ADGRA3: variants seen among roughly 807,000 people sequenced by gnomAD.
ADGRA3 encodes adhesion G protein-coupled receptor A3.
In ADGRA3, 56 loss-of-function variants were observed where a neutral mutation model predicts 119.8. The observed-to-expected ratio is 0.47, with a 90% CI of 0.38 to 0.58. ADGRA3 has a LOEUF of 0.58. Among genes scored for constraint, ADGRA3 ranks in the 20% least tolerant of loss-of-function variants. ADGRA3 has a pLI of 0.00. For synonymous variants in ADGRA3, 607 were observed against 623.8 expected (o/e 0.97, Z 0.40); for missense variants, 1,516 against 1,649.0 (o/e 0.92, Z 1.40).
intron 10 of ADGRA3, among the ~76,000 whole-genome samples, chr4:22,432,504 T>C (rs762118987): frequency 1.3e-5 from 2 of 152,220 alleles, no homozygotes; most frequent in Non-Finnish European, 1.5e-5. Context: ...AAAAGCCATA[T>C]ATTTGTAAAA....
Position 22,442,883 on chromosome 4 carries a change from G to A in ADGRA3, c.707-20C>T, listed in dbSNP as rs775521548. 1.3e-6 allele frequency: 2 copies of A among 1,542,806 alleles called. No homozygotes were observed. Among genetic ancestry groups the A allele is most frequent in the Non-Finnish European group, 8.9e-7 (1 of 1,119,168 alleles). The stretch of plus-strand genomic sequence containing the variant: ...GAGGGTCTAGAGACAATCAAACAAA[G>A]ATTCAGTAAACAAATATAATTTCCA... On this transcript the variant is annotated intron_variant, in intron 6 of 18. Transcript: ENST00000334304.
chr4:22,388,091 C>G lies in ADGRA3; in HGVS notation c.3580G>C (p.Val1194Leu). 1 of 1,614,160 alleles carries G rather than the reference C, an allele frequency of 6.2e-7. No homozygotes were observed. Among genetic ancestry groups the G allele is most frequent in the Non-Finnish European group, 8.5e-7 (1 of 1,180,020 alleles). Reference protein sequence around the residue: ...LTVLREYAYDVPTSVEGSVQN... With the variant: ...LTVLREYAYDLPTSVEGSVQN... ...ACGCTTCCTTCCACGCTCGTTGGGA[C>G]ATCGTAGGCATATTCTCTCAGGACT... The change falls in exon 19 of 19, where the codon GTC (valine) becomes CTC (leucine). Residue 1194 changes from valine to leucine, a missense_variant. Physicochemically the swap from Val to Leu is conservative, Grantham distance 32 (BLOSUM62 1). Around this residue, in one of 2 missense-constraint regions of ADGRA3, gnomAD observed 1,088 missense variants for 1,107.1 expected, o/e 0.98. Transcript: ENST00000334304.
intron 4 of ADGRA3, among the ~76,000 whole-genome samples, chr4:22,449,218 C>T (rs1716939098): frequency 2.0e-5 from 3 of 151,166 alleles, no homozygotes; most frequent in South Asian, 4.2e-4. Flanking sequence ...TGCAGTGAGC[C>T]AGGACTGCAG....
At chr4:22,426,270 A>G (rs1456831117) in intron 10 of ADGRA3, among the ~76,000 whole-genome samples, 1 of 152,156 alleles carries the variant, frequency 6.6e-6, no homozygotes, top group Admixed American at 6.5e-5. Context: ...TCCTATTAAA[A>G]TAAGTTTTCT....
chr4:22,508,790 C>A (rs1211842135), intron 1 of ADGRA3, among the ~76,000 whole-genome samples: 1 of 152,146 alleles, frequency 6.6e-6, no homozygotes, highest in East Asian at 1.9e-4. Flanking sequence ...GAAGGCAAAA[C>A]TGCAAAAAGA....
chr4:22,410,324 C>G (rs577149317), intron 14 of ADGRA3, among the ~76,000 whole-genome samples: 2 of 152,222 alleles, frequency 1.3e-5, no homozygotes, highest in Non-Finnish European at 2.9e-5. Context: ...CAGACACCAG[C>G]TCCTGTGAAT....
In ADGRA3 at chr4:22,447,455, G is replaced by C. The variant is rs759901739; in HGVS notation, c.530C>G (p.Ala177Gly). 2 of 1,563,752 alleles carry C rather than the reference G, an allele frequency of 1.3e-6. No homozygotes were observed. The highest frequency in any genetic ancestry group is 1.2e-5 in the South Asian group (1 of 80,964). The change falls in exon 5 of 19, where the codon GCG becomes GGG. Residue 177 changes from alanine to glycine, a missense_variant. By Grantham distance (60) the Ala-to-Gly change is moderately conservative. Coordinates refer to ENST00000334304, the MANE Select transcript of ADGRA3 (RefSeq NM_145290.4). ...TCTTACTTACAAAGACCGTAATGACGCAAGATAATCAAAAGTTCCTTGAGA... is the reference window on the plus strand; with the variant it reads ...TCTTACTTACAAAGACCGTAATGACCCAAGATAATCAAAAGTTCCTTGAGA... ...SLSQGTFDYLASLRSLEFQTE... is the reference protein window; with the variant it reads ...SLSQGTFDYLGSLRSLEFQTE...
At chr4:22,424,883 C>T (rs1391164008) in intron 10 of ADGRA3, among the ~76,000 whole-genome samples, 2 of 152,160 alleles carry the variant, frequency 1.3e-5, no homozygotes, top group African/African-American at 4.8e-5. Context: ...ACCATCCTAA[C>T]CAACATGGTG....
intron 1 of ADGRA3, among the ~76,000 whole-genome samples, chr4:22,494,691 T>C (rs1354226062): frequency 6.6e-6 from 1 of 151,994 alleles, no homozygotes; most frequent in Non-Finnish European, 1.5e-5. Context: ...GTTCTTTTTG[T>C]TAGAACACTA....
At chr4:22,408,024 A>C (rs1416743268) in intron 14 of ADGRA3, among the ~76,000 whole-genome samples, 2 of 152,076 alleles carry the variant, frequency 1.3e-5, no homozygotes, top group Non-Finnish European at 2.9e-5. Flanking sequence ...TGAAATCAGA[A>C]ATGTAAAAAA....
chr4:22,500,757 A>C (rs186727173), intron 1 of ADGRA3, among the ~76,000 whole-genome samples: 3 of 152,330 alleles, frequency 2.0e-5, no homozygotes. Flanking sequence ...CTATGAGGGC[A>C]TTTCCAGAAG....
At chr4:22,461,194 C>T (rs1433487033) in intron 3 of ADGRA3, among the ~76,000 whole-genome samples, 3 of 152,214 alleles carry the variant, frequency 2.0e-5, no homozygotes, top group Admixed American at 6.5e-5. Context: ...CCGGCAAAGC[C>T]GACATGGTAA....
chr4:22,458,929 A>T (rs1717344059), intron 3 of ADGRA3, among the ~76,000 whole-genome samples: 1 of 152,154 alleles, frequency 6.6e-6, no homozygotes, highest in Non-Finnish European at 1.5e-5. Context: ...AGACTGATAA[A>T]CACAGGAGAC....
intron 1 of ADGRA3, among the ~76,000 whole-genome samples, chr4:22,480,994 C>G (rs141111536): frequency 6.6e-6 from 1 of 152,186 alleles, no homozygotes; most frequent in African/African-American, 2.4e-5. Context: ...GAGCTATGAT[C>G]TGGCTACTGC....
At chr4:22,409,490 C>T (rs141098852) in intron 14 of ADGRA3, among the ~76,000 whole-genome samples, 6 of 152,320 alleles carry the variant, frequency 3.9e-5, no homozygotes, top group African/African-American at 1.4e-4. Context: ...AATACCAGCA[C>T]TAGCTTTGTG....
intron 4 of ADGRA3, among the ~76,000 whole-genome samples, chr4:22,452,624 A>C (rs1027966783): frequency 1.3e-5 from 2 of 152,152 alleles, no homozygotes; most frequent in Non-Finnish European, 2.9e-5. Context: ...AACCTACCAA[A>C]CATTTTAGTT....
At chr4:22,427,461 T>TAA (rs544251760) in intron 10 of ADGRA3, among the ~76,000 whole-genome samples, 3,454 of 144,894 alleles carry the variant, frequency 0.024, 141 homozygotes, top group African/African-American at 0.081. Flanking sequence ...TTAATAATTA[T>TAA]AAAAAAAAAA....
intron 2 of ADGRA3, chr4:22,473,302 C>T (rs761119082): frequency 6.6e-6 from 1 of 152,624 alleles, no homozygotes; most frequent in Non-Finnish European, 1.5e-5. Flanking sequence ...TTCTCTATAG[C>T]AATGCAAGAA....
chr4:22,398,429 A>C (rs1714461709), intron 16 of ADGRA3, among the ~76,000 whole-genome samples: 1 of 152,102 alleles, frequency 6.6e-6, no homozygotes, highest in Non-Finnish European at 1.5e-5. Flanking sequence ...GTACATAAGA[A>C]TCTACCAGCA....
Sources: gnomAD v4.1 joint callset for allele counts (sites outside exome capture counted in the v4.1 genomes callset) on GRCh38, gnomAD v4.1.1 for gene constraint, gnomAD v4.1.1 regional missense constraint, MANE v1.5 for transcripts, NCBI Gene and HGNC (gene_info 2026-07-23, HGNC 2026-07-21) for gene names.